Variants in SLC9A9 observed in about 807,000 individuals in gnomAD.
The protein encoded by SLC9A9 is solute carrier family 9 member A9, also known as sodium/hydrogen exchanger 9.
A neutral mutation model predicts 77.8 loss-of-function variants in SLC9A9; 62 were observed. The ratio of observed to expected loss-of-function variants is 0.80; its 90% CI spans 0.65 to 0.98. The LOEUF (loss-of-function observed/expected upper bound fraction) is 0.98. Among genes scored for constraint, SLC9A9 ranks in the 50% least tolerant of loss-of-function variants. The pLI, the probability that SLC9A9 is intolerant of heterozygous loss-of-function variation, is 0.00. For synonymous variants in SLC9A9, 320 were observed against 283.5 expected (o/e 1.13, Z -1.29); for missense variants, 775 against 774.9 (o/e 1.00, Z 0.00).
rs183619598 is a variant in SLC9A9 at position 143,545,893 on chromosome 3, C to T, written c.1089+6469G>A. Among the ~76,000 whole-genome samples, 7 of 152,268 alleles carry T rather than the reference C, an allele frequency of 4.6e-5. No individual in the cohort carries two copies. The East Asian group carries it at 1.4e-3, about 29-fold the overall frequency. On this transcript the variant is annotated intron_variant, in intron 9 of 15. Transcript: ENST00000316549. ...CATTGCAGTCTTTAATCAAGTGATC[C>T]CTACTCAACTGTAGTCTAAGAGAAA...
intron 14 of SLC9A9, among the ~76,000 whole-genome samples, chr3:143,311,937 C>T (rs2031033649): frequency 6.6e-6 from 1 of 152,148 alleles, no homozygotes; most frequent in African/African-American, 2.4e-5. Flanking sequence ...ACTTCCCTAT[C>T]CAATGGGGAA....
chr3:143,495,274 G>T, intron 10 of SLC9A9, 61 bp downstream of exon 10: 1 of 1,383,252 alleles, frequency 7.2e-7, no homozygotes, highest in Non-Finnish European at 1.0e-6. Flanking sequence ...AGAATAATTC[G>T]TAAAAGTAAG....
chr3:143,817,447 C>A (rs1255198916), intron 2 of SLC9A9, among the ~76,000 whole-genome samples: 1 of 152,054 alleles, frequency 6.6e-6, no homozygotes. Flanking sequence ...CGCGCCCGGC[C>A]AAAAGTTTAT....
At position 143,822,617 on chromosome 3, in the gene SLC9A9, C is replaced by T. The variant is rs142168360; in HGVS notation, c.378+9402G>A. Among the ~76,000 whole-genome samples the T allele has an allele frequency of 1.5e-3, 223 of 152,286 alleles. 2 individuals are homozygous for T. The highest frequency in any genetic ancestry group is 3.4e-3 in the Middle Eastern group (1 of 294). On this transcript the variant is annotated intron_variant, in intron 2 of 15. Coordinates refer to ENST00000316549, the MANE Select transcript of SLC9A9 (RefSeq NM_173653.4). ...TTACTAAACAGGAGCTTCCTAATGA[C>T]CTCAGGAGAGAACAGGGAAATGCAG...
intron 9 of SLC9A9, among the ~76,000 whole-genome samples, chr3:143,530,886 C>T (rs1017017913): frequency 4.6e-5 from 7 of 152,150 alleles, no homozygotes; most frequent in Non-Finnish European, 8.8e-5. Context: ...AACTTACCTC[C>T]TTTTAGCATT....
intron 5 of SLC9A9, among the ~76,000 whole-genome samples, chr3:143,664,308 C>T (rs546674394): frequency 6.6e-5 from 10 of 152,294 alleles, no homozygotes; most frequent in Middle Eastern, 3.4e-3. Context: ...CCAAGCCTGC[C>T]TTGCAAAACT....
intron 12 of SLC9A9, among the ~76,000 whole-genome samples, chr3:143,425,973 CT>C (rs34690704): frequency 0.092 from 13,479 of 147,310 alleles, 722 homozygotes; most frequent in South Asian, 0.17. Context: ...GCCACAATGG[CT>C]TTTTTTTTTT....
chr3:143,340,033 G>GT (rs1378275093), intron 14 of SLC9A9, among the ~76,000 whole-genome samples: 1 of 152,140 alleles, frequency 6.6e-6, no homozygotes, highest in Non-Finnish European at 1.5e-5. Context: ...TTTTTGCATC[G>GT]TGACATTGTA....
chr3:143,512,237 A>G (rs2036128386), intron 9 of SLC9A9, among the ~76,000 whole-genome samples: 1 of 152,244 alleles, frequency 6.6e-6, no homozygotes, highest in Non-Finnish European at 1.5e-5. Flanking sequence ...GGAGATTAGG[A>G]ATATGTAATA....
chr3:143,370,594 CACACACA>C (rs1559886432), intron 13 of SLC9A9, among the ~76,000 whole-genome samples: 3 of 151,888 alleles, frequency 2.0e-5, no homozygotes, highest in African/African-American at 7.3e-5. Flanking sequence ...CACACACACA[CACACACA>C]CCCTAACAAA....
At chr3:143,405,663 G>A (rs2033962324) in intron 12 of SLC9A9, among the ~76,000 whole-genome samples, 1 of 152,344 alleles carries the variant, frequency 6.6e-6, no homozygotes, top group African/African-American at 2.4e-5. Context: ...TTGCAACACA[G>A]AGCTGAGGGT....
intron 6 of SLC9A9, among the ~76,000 whole-genome samples, chr3:143,595,688 T>G (rs2037740519): frequency 6.6e-6 from 1 of 152,206 alleles, no homozygotes; most frequent in Non-Finnish European, 1.5e-5. Flanking sequence ...AAGCTTGTAC[T>G]GACTGAAAAA....
intron 4 of SLC9A9, among the ~76,000 whole-genome samples, chr3:143,701,184 G>A (rs1425110868): frequency 2.0e-5 from 3 of 152,084 alleles, no homozygotes; most frequent in Non-Finnish European, 4.4e-5. Flanking sequence ...AAGAAATATG[G>A]GTACTATCAA....
chr3:143,357,321 G>A (rs1031275321), intron 14 of SLC9A9, among the ~76,000 whole-genome samples: 2 of 152,018 alleles, frequency 1.3e-5, no homozygotes, highest in Non-Finnish European at 2.9e-5. Context: ...AAAGGACTTC[G>A]CGACCATGAG....
intron 9 of SLC9A9, 52 bp from the exon 10 acceptor site, chr3:143,495,500 G>T (rs781247369): frequency 7.4e-7 from 1 of 1,351,390 alleles, no homozygotes; most frequent in Non-Finnish European, 1.1e-6. Flanking sequence ...AGGTTTGAGT[G>T]CACTTACTTT....
At chr3:143,416,479 A>G (rs2034192873) in intron 12 of SLC9A9, among the ~76,000 whole-genome samples, 1 of 152,226 alleles carries the variant, frequency 6.6e-6, no homozygotes, top group South Asian at 2.1e-4. Flanking sequence ...GCAGCCATCA[A>G]CATTGAGGCA....
In SLC9A9 at chr3:143,384,559, T is replaced by C. The variant is rs188933916; in HGVS notation, c.1470-2445A>G. Among the ~76,000 whole-genome samples the C allele has an allele frequency of 1.2e-3, 189 of 152,300 alleles. 3 individuals carry two copies. Among genetic ancestry groups the C allele is most frequent in the Admixed American group, 0.011 (173 of 15,304 alleles). ...AACGTTTGAGGCAGCACTGAGGCCT[T>C]TCACTAAAGTGGAATCTTTTCTTTG... On this transcript the variant is annotated intron_variant, in intron 12 of 15. Transcript: ENST00000316549.
intron 12 of SLC9A9, among the ~76,000 whole-genome samples, chr3:143,435,334 C>T (rs373795106): frequency 1.1e-4 from 16 of 152,076 alleles, no homozygotes; most frequent in Admixed American, 2.6e-4. Flanking sequence ...AGGCATTGGT[C>T]GATAGTGAGA....
chr3:143,504,823 T>C (rs893989428), intron 9 of SLC9A9, among the ~76,000 whole-genome samples: 1 of 152,168 alleles, frequency 6.6e-6, no homozygotes, highest in Non-Finnish European at 1.5e-5. Context: ...AAGGCATTAA[T>C]ACACTTGCAT....
Sources: gnomAD v4.1 joint callset for allele counts (sites outside exome capture counted in the v4.1 genomes callset) on GRCh38, gnomAD v4.1.1 for gene constraint, MANE v1.5 for transcripts, NCBI Gene and HGNC (gene_info 2026-07-23, HGNC 2026-07-21) for gene names.